The following CFHR5 variants were observed in gnomAD, a reference collection of about 807,000 sequenced individuals.
The protein encoded by CFHR5 is complement factor H related 5, also known as complement factor H-related protein 5.
Under a neutral mutation model 62.9 loss-of-function variants are expected in CFHR5, and 73 were observed. The observed-to-expected ratio is 1.16, with a 90% CI of 0.96 to 1.41. CFHR5 has a LOEUF of 1.41. Ranked by LOEUF, CFHR5 falls within the 40% of genes most tolerant of loss-of-function variation. The pLI is 0.00. For missense variants in CFHR5, 779 were observed against 679.9 expected, an observed-to-expected ratio of 1.15 and a Z score of -1.62; for synonymous variants, 249 against 227.2, an observed-to-expected ratio of 1.10 and a Z score of -0.86.
chr1:197,000,887 T>G (rs974353216), intron 7 of CFHR5, among the ~76,000 whole-genome samples: 1 of 152,194 alleles, frequency 6.6e-6, no homozygotes, highest in Admixed American at 6.5e-5. Flanking sequence ...TAGAAGAGCT[T>G]CTAAATAATA....
In CFHR5 at chr1:197,004,742, G is replaced by A. The variant is rs144438200; in HGVS notation, c.1412G>A (p.Gly471Glu). 1,634 of 1,612,836 alleles carry A rather than the reference G, an allele frequency of 1.0e-3. 2 individuals are homozygous for A. Among genetic ancestry groups the A allele is most frequent in the Non-Finnish European group, 1.3e-3 (1,509 of 1,179,270 alleles). Residue 471 changes from glycine (G) to glutamate (E), a missense_variant, in exon 9 of 10, where the codon GGG (glycine) becomes GAG (glutamate). Physicochemically the swap from Gly to Glu is moderately conservative, Grantham distance 98. Transcript: ENST00000256785. ...TSFPLSVYPPGSTVTYRCQSF... is the reference protein window; with the variant it reads ...TSFPLSVYPPESTVTYRCQSF... ...TTCCCATTATCAGTATATCCTCCAG[G>A]GTCAACAGTGACGTACCGTTGCCAG...
At chr1:196,981,055 G>T (rs566100697) in intron 1 of CFHR5, among the ~76,000 whole-genome samples, 1 of 151,850 alleles carries the variant, frequency 6.6e-6, no homozygotes, top group Non-Finnish European at 1.5e-5. Context: ...GTTTCACAAG[G>T]TTAAATACCA....
chr1:196,983,144 AGATCAT>A, intron 2 of CFHR5, 65 bp downstream of exon 2: 1 of 1,602,894 alleles, frequency 6.2e-7, no homozygotes, highest in Non-Finnish European at 8.5e-7. Context: ...GTGCCGGACA[AGATCAT>A]AAGGTCTTGA....
At chr1:196,983,566 A>C (rs570797563) in intron 2 of CFHR5, among the ~76,000 whole-genome samples, 1 of 152,200 alleles carries the variant, frequency 6.6e-6, no homozygotes, top group African/African-American at 2.4e-5. Flanking sequence ...GACTCCAATG[A>C]TAACAGGTGC....
At position 196,994,208 on chromosome 1, in the gene CFHR5, G is replaced by A; in HGVS notation, c.559G>A (p.Val187Ile). The A allele has an allele frequency of 1.2e-6, 2 of 1,613,700 alleles. No homozygotes were observed. The highest frequency in any genetic ancestry group is 1.7e-6 in the Non-Finnish European group (2 of 1,179,776). Residue 187 changes from valine (V) to isoleucine (I), a missense_variant, in exon 4 of 10, where the codon GTT becomes ATT. Val to Ile is a conservative substitution (Grantham distance 29). Coordinates refer to ENST00000256785, the MANE Select transcript of CFHR5 (RefSeq NM_030787.4). ...KNLIRVGSDS[V>I]QCYQFGWSPN... The stretch of plus-strand genomic sequence containing the variant: ...TCTTATAAGAGTTGGATCAGACTCA[G>A]TTCAATGTTACCAATTTGGGTGGTC...
upstream of CFHR5, among the ~76,000 whole-genome samples, chr1:196,975,171 C>T (rs1337541434): frequency 6.6e-6 from 1 of 152,054 alleles, no homozygotes; most frequent in Non-Finnish European, 1.5e-5. Flanking sequence ...CAGTTTTGAC[C>T]AATGGATTTG....
At chr1:197,008,201 G>T (rs993610900) in intron 9 of CFHR5, among the ~76,000 whole-genome samples, 2 of 151,180 alleles carry the variant, frequency 1.3e-5, no homozygotes, top group African/African-American at 4.8e-5. Context: ...GCAATTAAGA[G>T]CTCAGGTTCT....
intron 9 of CFHR5, among the ~76,000 whole-genome samples, chr1:197,006,116 C>T (rs760283009): frequency 4.0e-5 from 6 of 151,886 alleles, no homozygotes; most frequent in Admixed American, 6.6e-5. Flanking sequence ...ATTTAAAATT[C>T]GCAGAAATTA....
intron 3 of CFHR5, among the ~76,000 whole-genome samples, chr1:196,987,764 T>C (rs1653732963): frequency 6.6e-6 from 1 of 152,056 alleles, no homozygotes; most frequent in Admixed American, 6.5e-5. Flanking sequence ...TGGTTACTTG[T>C]AGTATAGCCT....
intron 3 of CFHR5, among the ~76,000 whole-genome samples, chr1:196,990,599 G>T (rs1424784212): frequency 1.3e-5 from 2 of 152,176 alleles, no homozygotes; most frequent in African/African-American, 4.8e-5. Flanking sequence ...TTGCTTGTCT[G>T]TAAAGGATTT....
chr1:196,997,564 G>T (rs1336959481), intron 6 of CFHR5, among the ~76,000 whole-genome samples: 1 of 151,980 alleles, frequency 6.6e-6, no homozygotes. Context: ...GGCTTAGTAG[G>T]AATTTATGTT....
chr1:196,993,307 T>C (rs530799404), intron 3 of CFHR5, among the ~76,000 whole-genome samples: 55 of 152,274 alleles, frequency 3.6e-4, no homozygotes, highest in Admixed American at 2.2e-3. Flanking sequence ...ATATCTACTG[T>C]TTTTTGAGAC....
rs544857720 is a variant in CFHR5 at position 196,983,068 on chromosome 1, C to T, written c.242C>T (p.Pro81Leu). The stretch of plus-strand genomic sequence containing the variant: ...ACAGAAGAAGGATGGTCACCAACAC[C>T]GAAGTGTCTCAGTGAGTAAATGCCC... ...TCTEEGWSPT[P>L]KCLRMCSFPF... Residue 81 changes from proline to leucine, a missense_variant, in exon 2 of 10, where the codon CCG (proline) becomes CTG (leucine). Physicochemically the swap from Pro to Leu is moderately conservative, Grantham distance 98 (BLOSUM62 -3). Coordinates refer to ENST00000256785, the MANE Select transcript of CFHR5 (RefSeq NM_030787.4). 81 of 1,613,930 alleles carry T rather than the reference C, an allele frequency of 5.0e-5. No homozygotes were observed. The East Asian group carries it at 1.1e-3, about 22-fold the overall frequency.
chr1:197,002,429 C>T (rs1654176186), intron 7 of CFHR5, 53 bp from the exon 8 acceptor site: 1 of 1,363,710 alleles, frequency 7.3e-7, no homozygotes, highest in Non-Finnish European at 1.0e-6. Flanking sequence ...CCCTATTGAG[C>T]TGTTTTTACT....
In CFHR5 at chr1:196,999,702, T is replaced by TAA. The variant is rs1558288932; in HGVS notation, c.1147+1399_1147+1400insAA. 1.6e-4 allele frequency among the ~76,000 whole-genome samples: 8 copies of TAA among 51,328 alleles called. 1 individual carries two copies. Among genetic ancestry groups the TAA allele is most frequent in the African/African-American group, 4.2e-4 (8 of 19,246 alleles). The allele number at this position is 51,328 out of a possible 152,430, so 33.7% of individuals were successfully genotyped here. ...GAAAAAGTATATATATATATATATA[T>TAA]ATATATATATATATATATATACACA... On this transcript the variant is annotated intron_variant, in intron 7 of 9. Transcript: ENST00000256785.
In CFHR5 at chr1:197,004,720, C is replaced by T; in HGVS notation, c.1390C>T (p.Pro464Ser). The T allele has an allele frequency of 1.2e-6, 2 of 1,613,348 alleles. No individual in the cohort carries two copies. The highest frequency in any genetic ancestry group is 1.7e-6 in the Non-Finnish European group (2 of 1,179,434). Residue 464 changes from proline to serine, a missense_variant, in exon 9 of 10, where the codon CCA becomes TCA. Physicochemically the swap from Pro to Ser is moderately conservative, Grantham distance 74. Transcript: ENST00000256785. ...SINNGDTTSF[P>S]LSVYPPGSTV... ...TAACAATGGAGATACCACCTCATTC[C>T]CATTATCAGTATATCCTCCAGGGTC...
intron 7 of CFHR5, among the ~76,000 whole-genome samples, chr1:196,998,928 G>A (rs1308886858): frequency 6.6e-6 from 1 of 151,930 alleles, no homozygotes; most frequent in East Asian, 1.9e-4. Context: ...CTTCTCATCA[G>A]CAACGTCAAA....
intron 9 of CFHR5, among the ~76,000 whole-genome samples, chr1:197,006,401 A>C (rs1272927476): frequency 6.6e-6 from 1 of 152,136 alleles, no homozygotes. Flanking sequence ...GATTAAGATT[A>C]GACAGCTCTG....
intron 3 of CFHR5, among the ~76,000 whole-genome samples, chr1:196,984,414 G>C (rs1424524102): frequency 6.6e-6 from 1 of 152,130 alleles, no homozygotes; most frequent in Non-Finnish European, 1.5e-5. Context: ...TGTCAGGTTA[G>C]TTGACAATAA....
Sources: gnomAD v4.1 joint callset for allele counts (sites outside exome capture counted in the v4.1 genomes callset) on GRCh38, gnomAD v4.1.1 for gene constraint, MANE v1.5 for transcripts, NCBI Gene and HGNC (gene_info 2026-07-23, HGNC 2026-07-21) for gene names.